Variants in NKAIN2 observed in about 807,000 individuals in gnomAD.
NKAIN2 encodes sodium/potassium transporting ATPase interacting 2.
A neutral mutation model predicts 32.6 loss-of-function variants in NKAIN2; 14 were observed. That is an observed-to-expected ratio of 0.43 (90% CI 0.28 to 0.67). The LOEUF (loss-of-function observed/expected upper bound fraction) is 0.67. Ranked by LOEUF, NKAIN2 falls within the 30% of genes least tolerant of loss-of-function variation. The pLI is 0.17. For missense variants in NKAIN2, 198 were observed against 258.3 expected, an observed-to-expected ratio of 0.77 and a Z score of 1.60; for synonymous variants, 80 against 87.2, an observed-to-expected ratio of 0.92 and a Z score of 0.46.
chr6:124,800,822 G>A (rs1780222680), intron 5 of NKAIN2, among the ~76,000 whole-genome samples: 1 of 152,136 alleles, frequency 6.6e-6, no homozygotes, highest in Admixed American at 6.5e-5. Context: ...GGCAGGCAGT[G>A]TAACATTTGC....
chr6:124,048,876 G>T (rs1167313504), intron 1 of NKAIN2, among the ~76,000 whole-genome samples: 3 of 151,886 alleles, frequency 2.0e-5, no homozygotes, highest in Non-Finnish European at 4.4e-5. Context: ...AGGTCTTTTT[G>T]GGTCTCTATT....
intron 1 of NKAIN2, among the ~76,000 whole-genome samples, chr6:124,091,992 T>A (rs2114929589): frequency 6.6e-6 from 1 of 152,244 alleles, no homozygotes; most frequent in Admixed American, 6.5e-5. Flanking sequence ...CTTTTAGTTT[T>A]GCCAACACTT....
intron 4 of NKAIN2, among the ~76,000 whole-genome samples, chr6:124,769,972 T>G (rs559762022): frequency 4.6e-5 from 7 of 152,262 alleles, no homozygotes; most frequent in African/African-American, 1.4e-4. Flanking sequence ...ATTCAAGAGT[T>G]AATCTCTTTT....
intron 1 of NKAIN2, among the ~76,000 whole-genome samples, chr6:123,865,723 C>T (rs891523997): frequency 3.3e-5 from 5 of 152,104 alleles, no homozygotes; most frequent in African/African-American, 1.2e-4. Context: ...CCATGTGGTT[C>T]CATGAGTCTA....
chr6:123,882,045 A>T (rs1057193083), intron 1 of NKAIN2, among the ~76,000 whole-genome samples: 1 of 152,176 alleles, frequency 6.6e-6, no homozygotes, highest in African/African-American at 2.4e-5. Flanking sequence ...CTAAAAATCT[A>T]TGAATATTTT....
intron 1 of NKAIN2, among the ~76,000 whole-genome samples, chr6:124,135,060 G>T (rs1299722069): frequency 6.6e-6 from 1 of 151,748 alleles, no homozygotes; most frequent in Non-Finnish European, 1.5e-5. Flanking sequence ...GAGAGAGAAG[G>T]TCACAAACAA....
At chr6:124,140,359 A>C (rs1787074415) in intron 1 of NKAIN2, among the ~76,000 whole-genome samples, 1 of 152,210 alleles carries the variant, frequency 6.6e-6, no homozygotes. Context: ...TTCATTTTAA[A>C]AGTTGTTGAC....
At chr6:124,326,223 T>C (rs191247107) in intron 2 of NKAIN2, among the ~76,000 whole-genome samples, 1 of 152,038 alleles carries the variant, frequency 6.6e-6, no homozygotes, top group East Asian at 1.9e-4. Flanking sequence ...TCATTTATTT[T>C]AGCTCATTTT....
At chr6:124,659,183 A>C (rs1784653750) in intron 4 of NKAIN2, among the ~76,000 whole-genome samples, 2 of 152,180 alleles carry the variant, frequency 1.3e-5, no homozygotes, top group South Asian at 4.1e-4. Context: ...TATTCATTAC[A>C]GATCTTAAAT....
intron 1 of NKAIN2, among the ~76,000 whole-genome samples, chr6:123,830,399 C>CT (rs1774329653): frequency 6.6e-6 from 1 of 152,124 alleles, no homozygotes; most frequent in Admixed American, 6.5e-5. Context: ...AAGGACATGC[C>CT]TGGCCTAACC....
chr6:124,053,623 G>A (rs1189839406), intron 1 of NKAIN2, among the ~76,000 whole-genome samples: 1 of 151,970 alleles, frequency 6.6e-6, no homozygotes, highest in Non-Finnish European at 1.5e-5. Context: ...TGTTTCTAAT[G>A]CACAAGAAGA....
intron 3 of NKAIN2, among the ~76,000 whole-genome samples, chr6:124,377,713 A>G (rs12195624): frequency 0.15 from 23,028 of 152,200 alleles, 2,205 homozygotes; most frequent in Admixed American, 0.27. Context: ...GAACTTTACC[A>G]TGAGAAGATT....
intron 1 of NKAIN2, among the ~76,000 whole-genome samples, chr6:124,151,917 AC>A (rs1192508509): frequency 6.6e-6 from 1 of 151,896 alleles, no homozygotes; most frequent in Admixed American, 6.6e-5. Context: ...TTTTTTCTAT[AC>A]TGCCTTTTTC....
intron 1 of NKAIN2, among the ~76,000 whole-genome samples, chr6:124,233,662 T>C (rs1253795261): frequency 6.6e-6 from 1 of 152,182 alleles, no homozygotes; most frequent in African/African-American, 2.4e-5. Context: ...TGATGACATA[T>C]AGATGTATTT....
chr6:123,851,499 C>G (rs966081313), intron 1 of NKAIN2, among the ~76,000 whole-genome samples: 1 of 151,642 alleles, frequency 6.6e-6, no homozygotes, highest in Non-Finnish European at 1.5e-5. Flanking sequence ...GATTCTCCCA[C>G]GTCAGCCTAC....
intron 3 of NKAIN2, among the ~76,000 whole-genome samples, chr6:124,425,752 A>G (rs1040239431): frequency 6.6e-6 from 1 of 152,082 alleles, no homozygotes; most frequent in Non-Finnish European, 1.5e-5. Context: ...AAGCACAATG[A>G]GTTATGAGCT....
chr6:124,306,084 C>A (rs1488087977), intron 2 of NKAIN2, among the ~76,000 whole-genome samples: 1 of 152,140 alleles, frequency 6.6e-6, no homozygotes, highest in Non-Finnish European at 1.5e-5. Context: ...TCAGAATCTG[C>A]AAGGATTTGC....
intron 5 of NKAIN2, among the ~76,000 whole-genome samples, 169 bp downstream of exon 5, chr6:124,791,568 A>G (rs904027562): frequency 2.6e-5 from 4 of 152,152 alleles, no homozygotes; most frequent in Non-Finnish European, 5.9e-5. Flanking sequence ...AGTATCCAGC[A>G]AACTGAAGAA....
chr6:124,195,525 T>G (rs1316741162), intron 1 of NKAIN2, among the ~76,000 whole-genome samples: 1 of 152,170 alleles, frequency 6.6e-6, no homozygotes, highest in African/African-American at 2.4e-5. Flanking sequence ...AAAGGAATGC[T>G]GAAAACTTCT....
Sources: gnomAD v4.1 joint callset for allele counts (sites outside exome capture counted in the v4.1 genomes callset) on GRCh38, gnomAD v4.1.1 for gene constraint, MANE v1.5 for transcripts, NCBI Gene and HGNC (gene_info 2026-07-23, HGNC 2026-07-21) for gene names.